The following SNX29 variants were observed in gnomAD, a reference collection of about 807,000 sequenced individuals.
SNX29 encodes sorting nexin 29.
In SNX29, 78 loss-of-function variants were observed where a neutral mutation model predicts 102.1. The observed-to-expected ratio is 0.76, with a 90% CI of 0.64 to 0.92. The LOEUF is 0.92. Among genes scored for constraint, SNX29 ranks in the 40% least tolerant of loss-of-function variants. The probability of loss-of-function intolerance (pLI) is 0.00; values close to 1 mark genes in which losing one functional copy is unlikely to be tolerated. For missense variants in SNX29, 1,280 were observed against 1,061.7 expected (o/e 1.21, Z -2.86); for synonymous variants, 580 against 414.5 (o/e 1.40, Z -4.85).
At chr16:12,544,896 C>T (rs544109135) in intron 20 of SNX29, among the ~76,000 whole-genome samples, 2 of 152,308 alleles carry the variant, frequency 1.3e-5, no homozygotes, top group African/African-American at 4.8e-5. Context: ...GTCAGTGGGC[C>T]AGTAATCAAT....
In SNX29 at chr16:12,116,338, A is replaced by G. The variant is rs539718938; in HGVS notation, c.1403-10295A>G. 8.5e-5 allele frequency among the ~76,000 whole-genome samples: 13 copies of G among 152,318 alleles called. No homozygotes were observed. The East Asian group carries it at 2.5e-3, about 29-fold the overall frequency. ...CATTATCTGAAGAATGGATTAACAA[A>G]TTGTGGCATATCCATACAGTGGAAC... On this transcript the variant is annotated intron_variant, in intron 11 of 20. Transcript: ENST00000566228.
intron 15 of SNX29, among the ~76,000 whole-genome samples, chr16:12,302,642 G>T (rs2080213415): frequency 1.3e-5 from 2 of 152,166 alleles, no homozygotes; most frequent in African/African-American, 2.4e-5. Flanking sequence ...GCCTCCCAAA[G>T]GCCCTGCTCT....
intron 8 of SNX29, among the ~76,000 whole-genome samples, chr16:12,057,804 T>TATG (rs2050579665): frequency 6.9e-6 from 1 of 145,156 alleles, no homozygotes; most frequent in Non-Finnish European, 1.5e-5. Flanking sequence ...CATATACATA[T>TATG]ATATATATAT....
intron 20 of SNX29, chr16:12,527,150 T>C (rs2076806808): frequency 1.9e-6 from 1 of 516,306 alleles, no homozygotes; most frequent in South Asian, 1.6e-5. Context: ...AGCCCCCTTC[T>C]CCTTCTTCCT....
At chr16:12,050,807 G>A (rs1254714962) in intron 7 of SNX29, among the ~76,000 whole-genome samples, 2 of 151,838 alleles carry the variant, frequency 1.3e-5, no homozygotes, top group Non-Finnish European at 2.9e-5. Flanking sequence ...TGCCTCCCGT[G>A]TTCAAGAAAT....
At chr16:12,244,213 C>G (rs942249723) in intron 14 of SNX29, among the ~76,000 whole-genome samples, 4 of 152,196 alleles carry the variant, frequency 2.6e-5, no homozygotes, top group African/African-American at 9.6e-5. Context: ...AGGCCACAAC[C>G]ATTACAGGTC....
rs540002521 is a variant in SNX29, at chr16:12,570,787, C to T, written c.*2158C>T. ...CTGCACATGATAATAATGCAACAGT[C>T]CCCCATTGCTGAGAGATACTAACCC... On this transcript the variant is annotated 3_prime_UTR_variant, in exon 21 of 21. Transcript: ENST00000566228. 1.9e-3 allele frequency: 427 copies of T among 219,712 alleles called. No individual in the cohort carries two copies. Among genetic ancestry groups the T allele is most frequent in the African/African-American group, 9.5e-3 (402 of 42,162 alleles). 13.6% of individuals were successfully genotyped at this position (219,712 alleles called of 1,614,324 possible). A position where few individuals can be genotyped will look rare whatever the true frequency, so the allele number is the denominator to read the frequency against.
rs562173946 is a variant in SNX29, at chr16:12,249,808, C to T, written c.1679-28125C>T. The stretch of plus-strand genomic sequence containing the variant: ...GTATACGCTACTGGGTGACCAAAAC[C>T]CACCTGTGTGCTGAGCTGTCCCGGC... On this transcript the variant is annotated intron_variant, in intron 14 of 20. Transcript: ENST00000566228. 3.9e-5 allele frequency among the ~76,000 whole-genome samples: 6 copies of T among 152,294 alleles called. No individual in the cohort carries two copies. In the South Asian group the frequency reaches 1.2e-3, roughly 32 times the overall value.
intron 9 of SNX29, among the ~76,000 whole-genome samples, chr16:12,064,035 A>C (rs1397879076): frequency 6.6e-6 from 1 of 152,044 alleles, no homozygotes; most frequent in Non-Finnish European, 1.5e-5. Context: ...ATGTGTGTTC[A>C]CAGGCTCTGT....
chr16:12,042,156 C>T (rs563514351), intron 4 of SNX29, among the ~76,000 whole-genome samples: 3 of 152,118 alleles, frequency 2.0e-5, no homozygotes, highest in East Asian at 3.9e-4. Context: ...TCAGCCTGCC[C>T]GGTAGGTGGG....
rs961797556 is a variant in SNX29, at chr16:12,482,257, C to A, written c.2178+4398C>A. On this transcript the variant is annotated intron_variant, in intron 19 of 20. Coordinates refer to ENST00000566228, the MANE Select transcript of SNX29 (RefSeq NM_032167.5). Reference sequence around the variant, plus strand: ...GTGTTTGGGTTGATTTAATTAATTTCTTTCTCCTTTTCCTTTTTCTTTTTC... The same window carrying A: ...GTGTTTGGGTTGATTTAATTAATTTATTTCTCCTTTTCCTTTTTCTTTTTC... Among the ~76,000 whole-genome samples the A allele has an allele frequency of 6.6e-5, 10 of 152,194 alleles. No individual in the cohort carries two copies. In the South Asian group the frequency reaches 2.1e-3, roughly 32 times the overall value.
chr16:12,564,027 G>A (rs953780278), intron 20 of SNX29, among the ~76,000 whole-genome samples: 2 of 151,322 alleles, frequency 1.3e-5, no homozygotes, highest in African/African-American at 2.4e-5. Flanking sequence ...GGGAGTTGAG[G>A]AGTTGCACCG....
At chr16:12,252,136 C>T (rs1195554472) in intron 14 of SNX29, among the ~76,000 whole-genome samples, 6 of 152,240 alleles carry the variant, frequency 3.9e-5, no homozygotes, top group African/African-American at 1.4e-4. Flanking sequence ...ATCTCTTCTG[C>T]TCTTACCAGC....
intron 19 of SNX29, among the ~76,000 whole-genome samples, chr16:12,522,127 G>A (rs893416180): frequency 2.0e-5 from 3 of 152,254 alleles, no homozygotes; most frequent in African/African-American, 7.2e-5. Context: ...AGGCTTGCTA[G>A]AGAAAATATA....
chr16:12,071,965 G>A (rs866180782), intron 10 of SNX29, among the ~76,000 whole-genome samples: 4 of 151,636 alleles, frequency 2.6e-5, no homozygotes, highest in African/African-American at 9.7e-5. Context: ...TGATTTGGCT[G>A]TTTGTCTGTG....
At chr16:12,280,655 T>C in intron 15 of SNX29, among the ~76,000 whole-genome samples, 1 of 152,180 alleles carries the variant, frequency 6.6e-6, no homozygotes, top group Non-Finnish European at 1.5e-5. Flanking sequence ...TCCTTCTTTT[T>C]TGGTTGCAAA....
At chr16:12,564,848 C>G (rs974471615) in intron 20 of SNX29, among the ~76,000 whole-genome samples, 1 of 149,536 alleles carries the variant, frequency 6.7e-6, no homozygotes. Flanking sequence ...CGGCAGCTAA[C>G]AAGGGCTATG....
chr16:12,516,055 C>G (rs566791049), intron 19 of SNX29, among the ~76,000 whole-genome samples: 2 of 152,138 alleles, frequency 1.3e-5, no homozygotes, highest in Non-Finnish European at 1.5e-5. Flanking sequence ...CGTGGCCTGC[C>G]CCAACTCCCA....
At chr16:12,568,474 G>A in intron 20 of SNX29, 32 bp from the exon 21 acceptor site, 1 of 1,606,742 alleles carries the variant, frequency 6.2e-7, no homozygotes, top group Non-Finnish European at 8.5e-7. Flanking sequence ...TTCATCCCCA[G>A]ACTTAACCCG....
Sources: allele counts gnomAD v4.1 joint callset (sites outside exome capture counted in the v4.1 genomes callset), GRCh38; gene constraint gnomAD v4.1.1; transcripts MANE v1.5; gene names NCBI Gene and HGNC (gene_info 2026-07-23, HGNC 2026-07-21).